Variants in NPRL3 observed in about 807,000 individuals in gnomAD.
NPRL3 encodes NPR3 like, GATOR1 complex subunit.
A neutral mutation model predicts 57.2 loss-of-function variants in NPRL3; 23 were observed. The ratio of observed to expected loss-of-function variants is 0.40; its 90% confidence interval spans 0.29 to 0.57. The LOEUF (loss-of-function observed/expected upper bound fraction) is 0.57. NPRL3 is among the 20% of genes least tolerant of loss of function. The pLI, the probability that NPRL3 is intolerant of heterozygous loss-of-function variation, is 0.42. For missense variants in NPRL3, 691 were observed against 767.1 expected, an observed-to-expected ratio of 0.90 and a Z score of 1.17; for synonymous variants, 333 against 321.1, an observed-to-expected ratio of 1.04 and a Z score of -0.39.
intron 2 of NPRL3, among the ~76,000 whole-genome samples, chr16:133,102 C>T (rs546023687): frequency 1.3e-5 from 2 of 152,308 alleles, no homozygotes; most frequent in South Asian, 4.1e-4. Flanking sequence ...GAGTTAGAGC[C>T]TTTTTCTGGA....
rs530939289 is a variant in NPRL3, at chr16:100,928, G to A, written c.630-419C>T. 3.6e-3 allele frequency among the ~76,000 whole-genome samples: 431 copies of A among 119,770 alleles called. 5 individuals carry two copies. Among genetic ancestry groups the A allele is most frequent in the Middle Eastern group, 0.025 (4 of 158 alleles). 78.6% of individuals were successfully genotyped at this position (119,770 alleles called of 152,430 possible). A position where few individuals can be genotyped will look rare whatever the true frequency, so the allele number is the denominator to read the frequency against. ...GGAGGTTGCAGTGAGCTAACATCAC[G>A]CCACTGCACTCCAGCCTGGGCAACA... is the stretch of plus-strand genomic sequence containing the variant. On this transcript the variant is annotated intron_variant, in intron 7 of 13. Transcript: ENST00000611875.
At chr16:133,451 C>T (rs570744313) in intron 2 of NPRL3, among the ~76,000 whole-genome samples, 2 of 151,658 alleles carry the variant, frequency 1.3e-5, no homozygotes, top group African/African-American at 4.8e-5. Flanking sequence ...AGGCTGGTCT[C>T]GAACTTCTGA....
At position 138,300 on chromosome 16, in the gene NPRL3, G is replaced by A. The variant is rs972452732; in HGVS notation, c.-33C>T. 2.7e-6 allele frequency: 4 copies of A among 1,490,518 alleles called. No individual in the cohort carries two copies. The highest frequency in any genetic ancestry group is 3.6e-6 in the Non-Finnish European group (4 of 1,116,118). The allele number at this position is 1,490,518 out of a possible 1,614,324, so 92.3% of individuals were successfully genotyped here. ...TGGGGCCGGGGCCGGGGGCGGAGGG[G>A]GCCAGAGGAGGACGGAGCCGGAGGC... is the stretch of plus-strand genomic sequence containing the variant. On this transcript the variant is annotated 5_prime_UTR_variant, in exon 2 of 14. Coordinates refer to ENST00000611875, the MANE Select transcript of NPRL3 (RefSeq NM_001077350.3).
intron 7 of NPRL3, 142 bp from the exon 8 acceptor site, chr16:100,651 T>G: frequency 1.3e-6 from 1 of 774,626 alleles, no homozygotes; most frequent in Non-Finnish European, 1.8e-6. Context: ...AGAGCATCTC[T>G]TAAGATCACA....
At chr16:103,675 G>A (rs1227809395) in intron 7 of NPRL3, among the ~76,000 whole-genome samples, 10 of 152,152 alleles carry the variant, frequency 6.6e-5, no homozygotes, top group Non-Finnish European at 1.5e-4. Context: ...TTCACTCAGC[G>A]GCATCTAGAC....
At position 86,913 on chromosome 16, in the gene NPRL3, C is replaced by T. The variant is rs761422792; in HGVS notation, c.1545-43G>A. The T allele has an allele frequency of 5.7e-6, 9 of 1,582,124 alleles. No homozygotes were observed. The South Asian group carries it at 6.8e-5, about 12-fold the overall frequency. On this transcript the variant is annotated intron_variant, in intron 13 of 13. Transcript: ENST00000611875. ...GTGTGAGCCCAACCTGACACCAGCC[C>T]CCAGAGGCCTCTGCTGAAGAGCCAC...
At chr16:95,317 T>TG (rs1898940708) in intron 9 of NPRL3, among the ~76,000 whole-genome samples, 15 of 107,010 alleles carry the variant, frequency 1.4e-4, no homozygotes, top group Admixed American at 7.9e-4. Context: ...AATAAAATGT[T>TG]TGTGTGTGTA....
intron 3 of NPRL3, chr16:123,671 T>G (rs1472987272): frequency 2.3e-6 from 1 of 427,810 alleles, no homozygotes; most frequent in African/African-American, 2.1e-5. Context: ...CCATTAAGCA[T>G]TAACTGTTGA....
chr16:92,601 G>C lies in NPRL3; in HGVS notation c.1156C>G (p.Gln386Glu), dbSNP rs1371859768. The C allele has an allele frequency of 6.2e-7, 1 of 1,613,084 alleles. No homozygotes were observed. Among genetic ancestry groups the C allele is most frequent in the Admixed American group, 1.7e-5 (1 of 59,930 alleles). Residue 386 changes from glutamine (Q) to glutamate (E), a missense_variant, in exon 11 of 14, where the codon CAG (glutamine) becomes GAG (glutamate). Gln to Glu is a conservative substitution (Grantham distance 29). Coordinates refer to ENST00000611875, the MANE Select transcript of NPRL3 (RefSeq NM_001077350.3). ...EFRNPLAPAV[Q>E]ETQLIQMVVW... ...CTTGAGCTTCTGTGACTCACCTCCT[G>C]CACAGCGGGGGCCAGGGGATTCCTA...
intron 9 of NPRL3, among the ~76,000 whole-genome samples, chr16:94,980 G>A (rs1465222907): frequency 6.6e-6 from 1 of 152,108 alleles, no homozygotes; most frequent in Non-Finnish European, 1.5e-5. Flanking sequence ...CCCTCTGGAA[G>A]CTCCAGAAGA....
intron 11 of NPRL3, among the ~76,000 whole-genome samples, chr16:92,150 G>A (rs191680293): frequency 6.0e-4 from 92 of 152,292 alleles, no homozygotes; most frequent in African/African-American, 2.2e-3. Context: ...GTGGCCACCT[G>A]AACCATGGCA....
At chr16:132,444 C>A (rs1015263248) in intron 2 of NPRL3, among the ~76,000 whole-genome samples, 1 of 152,204 alleles carries the variant, frequency 6.6e-6, no homozygotes, top group Admixed American at 6.5e-5. Context: ...ACCATATCTG[C>A]AGTTACTTCC....
At chr16:132,147 C>A (rs868643644) in intron 2 of NPRL3, among the ~76,000 whole-genome samples, 5 of 152,046 alleles carry the variant, frequency 3.3e-5, no homozygotes, top group Non-Finnish European at 7.4e-5. Flanking sequence ...GCTGGGACTA[C>A]AGGCATATGA....
chr16:89,717 G>T lies in NPRL3; in HGVS notation c.1347C>A (p.Ser449=), dbSNP rs1272247635. ...LSTPNALSFG[S]PTSSDDMTLT... ...GCGGTGCCCTGGGGGTCCTACTTGG[G>T]GAGCCAAAGCTGAGGGCGTTGGGCG... The change falls in exon 12 of 14, where the codon TCC becomes TCA. Residue 449 remains serine (S), a synonymous_variant. Coordinates refer to ENST00000611875, the MANE Select transcript of NPRL3 (RefSeq NM_001077350.3). The T allele has an allele frequency of 3.2e-6, 5 of 1,570,254 alleles. No individual in the cohort carries two copies. The highest frequency in any genetic ancestry group is 4.3e-6 in the Non-Finnish European group (5 of 1,164,066).
chr16:87,190 A>T (rs1010014076), intron 13 of NPRL3, among the ~76,000 whole-genome samples: 2 of 151,640 alleles, frequency 1.3e-5, no homozygotes, highest in African/African-American at 4.8e-5. Flanking sequence ...TTCGTGCTAC[A>T]GTGAGTCCCA....
intron 9 of NPRL3, among the ~76,000 whole-genome samples, chr16:93,789 C>G (rs1322861093): frequency 3.3e-5 from 5 of 152,212 alleles, no homozygotes; most frequent in African/African-American, 1.2e-4. Context: ...TGGTCTCGAT[C>G]TGACCTCGTG....
intron 2 of NPRL3, among the ~76,000 whole-genome samples, chr16:134,990 C>G (rs1437251085): frequency 2.0e-5 from 3 of 152,006 alleles, no homozygotes; most frequent in Admixed American, 2.0e-4. Flanking sequence ...CGTGAGCCAC[C>G]GCGCCCGGCC....
In NPRL3 at chr16:103,296, ATTTTTTTTTT is replaced by A. The variant is rs533871530; in HGVS notation, c.630-2797_630-2788del. Among the ~76,000 whole-genome samples, 125 of 42,126 alleles carry A rather than the reference ATTTTTTTTTT, an allele frequency of 3.0e-3. 7 individuals are homozygous for A. The highest frequency in any genetic ancestry group is 0.05 in the Middle Eastern group (2 of 40). The allele number at this position is 42,126 out of a possible 152,430, so 27.6% of individuals were successfully genotyped here. A position where few individuals can be genotyped will look rare whatever the true frequency, so the allele number is the denominator to read the frequency against. On this transcript the variant is annotated intron_variant, in intron 7 of 13. Transcript: ENST00000611875. Reference sequence around the variant, plus strand: ...GACGTGCAACATCACGCCTGGGGTGATTTTTTTTTTTTTTTTTTTTTTTTTTTTTGTAGAG... The same window carrying A: ...GACGTGCAACATCACGCCTGGGGTGATTTTTTTTTTTTTTTTTTTGTAGAG...
intron 5 of NPRL3, among the ~76,000 whole-genome samples, chr16:115,787 C>T (rs1900006666): frequency 6.6e-6 from 1 of 152,186 alleles, no homozygotes; most frequent in Non-Finnish European, 1.5e-5. Context: ...TGCTCGGCTC[C>T]GGTTGCTTTT....
Sources: gnomAD v4.1 joint callset for allele counts (sites outside exome capture counted in the v4.1 genomes callset) on GRCh38, gnomAD v4.1.1 for gene constraint, MANE v1.5 for transcripts, NCBI Gene and HGNC (gene_info 2026-07-23, HGNC 2026-07-21) for gene names.